Variants in PRPF38A observed in about 807,000 individuals in gnomAD.
PRPF38A encodes pre-mRNA-splicing factor 38A.
PRPF38A carries 11 observed loss-of-function variants against 46.8 expected under a neutral mutation model. That is an observed-to-expected ratio of 0.24 (90% CI 0.15 to 0.39). The LOEUF is 0.39. Among genes scored for constraint, PRPF38A ranks in the 10% least tolerant of loss-of-function variants. PRPF38A has a pLI of 1.00. For missense variants in PRPF38A, 261 were observed against 407.5 expected (o/e 0.64, Z 3.10); for synonymous variants, 124 against 136.2 (o/e 0.91, Z 0.62).
chr1:52,414,935 C>T lies in PRPF38A; in HGVS notation c.847+76C>T, dbSNP rs542448907. On this transcript the variant is annotated intron_variant, in intron 8 of 9. Transcript: ENST00000257181. ...AAGGAGTAGTTAGCCTCCTGCAGTA[C>T]AGGAGTGCCTGACTGTACTGCCTAA... 8.2e-6 allele frequency: 11 copies of T among 1,348,394 alleles called. No individual in the cohort carries two copies. In the East Asian group the frequency reaches 1.1e-4, roughly 14 times the overall value. The allele number at this position is 1,348,394 out of a possible 1,614,324, so 83.5% of individuals were successfully genotyped here. A position where few individuals can be genotyped will look rare whatever the true frequency, so the allele number is the denominator to read the frequency against.
Position 52,417,656 on chromosome 1 carries a change from G to A in PRPF38A, c.*966G>A, listed in dbSNP as rs531060239. 4 of 152,288 alleles carry A rather than the reference G, an allele frequency of 2.6e-5. No homozygotes were observed. In the East Asian group the frequency reaches 7.7e-4, roughly 29 times the overall value. The allele number at this position is 152,288 out of a possible 1,614,324, so 9.4% of individuals were successfully genotyped here. A position where few individuals can be genotyped will look rare whatever the true frequency, so the allele number is the denominator to read the frequency against. ...AAAAGCCCATAAAGTTGGAGATAGG[G>A]ACCAGAGTTTAACATAGCGATCTAG... On this transcript the variant is annotated 3_prime_UTR_variant, in exon 10 of 10. Coordinates refer to ENST00000257181, the MANE Select transcript of PRPF38A (RefSeq NM_032864.4).
At position 52,420,405 on chromosome 1, in the gene PRPF38A, G is replaced by T. The variant is rs1648430090; in HGVS notation, c.*3715G>T. 1 of 152,060 alleles carries T rather than the reference G, an allele frequency of 6.6e-6. No individual in the cohort carries two copies. The highest frequency in any genetic ancestry group is 6.6e-5 in the Admixed American group (1 of 15,264). 9.4% of individuals were successfully genotyped at this position (152,060 alleles called of 1,614,324 possible). A position where few individuals can be genotyped will look rare whatever the true frequency, so the allele number is the denominator to read the frequency against. ...AACACTGTCTATATAGAAATAACAA[G>T]TAGAGTGTGCTGGTTTCATCTTTCA... On this transcript the variant is annotated 3_prime_UTR_variant, in exon 10 of 10. Coordinates refer to ENST00000257181, the MANE Select transcript of PRPF38A (RefSeq NM_032864.4).
At chr1:52,409,393 T>C (rs1323143371) in intron 3 of PRPF38A, 4 of 152,300 alleles carry the variant, frequency 2.6e-5, no homozygotes, top group Non-Finnish European at 5.9e-5. Context: ...GGCAGATCAC[T>C]TGAGGTCAGG....
intron 3 of PRPF38A, chr1:52,408,961 G>A: frequency 3.6e-6 from 1 of 275,284 alleles, no homozygotes; most frequent in Non-Finnish European, 6.9e-6. Flanking sequence ...CCCTTTACAT[G>A]TGCTCCATCC....
Position 52,404,736 on chromosome 1 carries a change from G to A in PRPF38A, c.-14G>A, listed in dbSNP as rs377555490. 4 of 1,611,844 alleles carry A rather than the reference G, an allele frequency of 2.5e-6. No individual in the cohort carries two copies. In the African/African-American group the frequency reaches 4.0e-5, roughly 16 times the overall value. On this transcript the variant is annotated 5_prime_UTR_variant, in exon 1 of 10. Coordinates refer to ENST00000257181, the MANE Select transcript of PRPF38A (RefSeq NM_032864.4). ...TAAAGGATCCGACGGAAATAGAATT[G>A]AAGGCATTCTAAAATGGCTAACCGT...
chr1:52,412,056 TATCCCAG>T (rs1648163230), intron 4 of PRPF38A, among the ~76,000 whole-genome samples: 1 of 152,202 alleles, frequency 6.6e-6, no homozygotes, highest in South Asian at 2.1e-4. Context: ...TGCTAAGCCA[TATCCCAG>T]ATTAAAATGG....
At position 52,406,744 on chromosome 1, in the gene PRPF38A, T is replaced by C. The variant is rs1351256339; in HGVS notation, c.290+905T>C. 2.0e-5 allele frequency among the ~76,000 whole-genome samples: 3 copies of C among 152,232 alleles called. No homozygotes were observed. In the East Asian group the frequency reaches 5.8e-4, roughly 29 times the overall value. On this transcript the variant is annotated intron_variant, in intron 2 of 9. Coordinates refer to ENST00000257181, the MANE Select transcript of PRPF38A (RefSeq NM_032864.4). ...AGACATAATAGCTTCTTATGTGCCA[T>C]GCTGTAAGGGCTTTGCATATAATAA...
Position 52,411,099 on chromosome 1 carries a change from T to C in PRPF38A, c.413-16T>C, listed in dbSNP as rs185931996. 1,090 of 1,599,852 alleles carry C rather than the reference T, an allele frequency of 6.8e-4. No homozygotes were observed. Among genetic ancestry groups the C allele is most frequent in the Non-Finnish European group, 8.7e-4 (1,016 of 1,167,810 alleles). On this transcript the variant is annotated splice_polypyrimidine_tract_variant and intron_variant, in intron 3 of 9. Coordinates refer to ENST00000257181, the MANE Select transcript of PRPF38A (RefSeq NM_032864.4). ...TTTATTTCCAGGTTGTTTGCTCTAA[T>C]GACTTTTTCTTGCAGAGTTTGAATT... is the stretch of plus-strand genomic sequence containing the variant.
chr1:52,408,608 A>G lies in PRPF38A; in HGVS notation c.330A>G (p.Thr110=), dbSNP rs1288335217. The change falls in exon 3 of 10, where the codon ACA becomes ACG. Residue 110 remains threonine (T), a synonymous_variant. Transcript: ENST00000257181. The stretch of plus-strand genomic sequence containing the variant: ...TGGGGGCACTTTACATGAGGCTGAC[A>G]GGCACTGCAATTGATTGCTACAAGT... ...RMLGALYMRL[T]GTAIDCYKYL... The G allele has an allele frequency of 1.2e-5, 19 of 1,614,108 alleles. No homozygotes were observed. Among genetic ancestry groups the G allele is most frequent in the Non-Finnish European group, 1.6e-5 (19 of 1,180,024 alleles).
At chr1:52,415,944 G>A (rs559516329) in intron 9 of PRPF38A, among the ~76,000 whole-genome samples, 3 of 138,188 alleles carry the variant, frequency 2.2e-5, no homozygotes, top group African/African-American at 5.4e-5. Flanking sequence ...CTGGGCTCAC[G>A]CCATTCTCCT....
chr1:52,415,314 A>G (rs781265922), intron 8 of PRPF38A, 24 bp from the exon 9 acceptor site: 1 of 1,611,864 alleles, frequency 6.2e-7, no homozygotes, highest in East Asian at 2.2e-5. Context: ...GTAGGATCTT[A>G]TGCAATGGCC....
rs1252556004 is a variant in PRPF38A, at chr1:52,418,603, T to C, written c.*1913T>C. On this transcript the variant is annotated 3_prime_UTR_variant, in exon 10 of 10. Coordinates refer to ENST00000257181, the MANE Select transcript of PRPF38A (RefSeq NM_032864.4). Reference sequence around the variant, plus strand: ...AAATTGAGGTACCACAGCCAATCAATAGCAGGAAAGAGAATGTCCCTATTC... The same window carrying C: ...AAATTGAGGTACCACAGCCAATCAACAGCAGGAAAGAGAATGTCCCTATTC... 2.0e-5 allele frequency: 3 copies of C among 152,174 alleles called. No homozygotes were observed. The highest frequency in any genetic ancestry group is 2.1e-4 in the South Asian group (1 of 4,832). 9.4% of individuals were successfully genotyped at this position (152,174 alleles called of 1,614,324 possible).
rs1460628325 is a variant in PRPF38A, at chr1:52,417,749, A to C, written c.*1059A>C. The C allele has an allele frequency of 6.7e-6, 1 of 148,624 alleles. No homozygotes were observed. Among genetic ancestry groups the C allele is most frequent in the Non-Finnish European group, 1.5e-5 (1 of 68,038 alleles). 9.2% of individuals were successfully genotyped at this position (148,624 alleles called of 1,614,324 possible). Reference sequence around the variant, plus strand: ...AAGACTTCCCAGAGTGTTAATATATATCAGAAATGCACACAACAGAACCAT... The same window carrying C: ...AAGACTTCCCAGAGTGTTAATATATCTCAGAAATGCACACAACAGAACCAT... On this transcript the variant is annotated 3_prime_UTR_variant, in exon 10 of 10. Coordinates refer to ENST00000257181, the MANE Select transcript of PRPF38A (RefSeq NM_032864.4).
Position 52,420,115 on chromosome 1 carries a change from A to G in PRPF38A, c.*3425A>G, listed in dbSNP as rs1384089737. On this transcript the variant is annotated 3_prime_UTR_variant, in exon 10 of 10. Transcript: ENST00000257181. ...AGAAGGCAATGAAGCAAAAGGCTCC[A>G]AAGGTTTGAGAAAAAGTGCCAGGAA... 1 of 152,252 alleles carries G rather than the reference A, an allele frequency of 6.6e-6. No homozygotes were observed. Among genetic ancestry groups the G allele is most frequent in the Non-Finnish European group, 1.5e-5 (1 of 68,044 alleles). 9.4% of individuals were successfully genotyped at this position (152,252 alleles called of 1,614,324 possible). A position where few individuals can be genotyped will look rare whatever the true frequency, so the allele number is the denominator to read the frequency against.
rs751778532 is a variant in PRPF38A, at chr1:52,419,091, C to T, written c.*2401C>T. 1 of 152,296 alleles carries T rather than the reference C, an allele frequency of 6.6e-6. No homozygotes were observed. Among genetic ancestry groups the T allele is most frequent in the African/African-American group, 2.4e-5 (1 of 41,466 alleles). The allele number at this position is 152,296 out of a possible 1,614,324, so 9.4% of individuals were successfully genotyped here. ...GCATTTTTGGCCAGGTGCGGTGGCT[C>T]ACGCCTGTAATCCCAGCACTTTGGG... On this transcript the variant is annotated 3_prime_UTR_variant, in exon 10 of 10. Transcript: ENST00000257181.
At position 52,411,102 on chromosome 1, in the gene PRPF38A, CTT is replaced by C; in HGVS notation, c.413-9_413-8del. On this transcript the variant is annotated splice_polypyrimidine_tract_variant and intron_variant, in intron 3 of 9. Transcript: ENST00000257181. ...ATTTCCAGGTTGTTTGCTCTAATGA[CTT>C]TTTCTTGCAGAGTTTGAATTGATGC... 1 of 1,604,528 alleles carries C rather than the reference CTT, an allele frequency of 6.2e-7. No individual in the cohort carries two copies.
chr1:52,415,297 T>G (rs751445151), intron 8 of PRPF38A, 41 bp from the exon 9 acceptor site: 1 of 1,596,852 alleles, frequency 6.3e-7, no homozygotes, highest in South Asian at 1.1e-5. Flanking sequence ...TTAATAAGAG[T>G]AGAAGGGTAG....
chr1:52,414,550 T>A lies in PRPF38A; in HGVS notation c.723-71T>A. Reference sequence around the variant, plus strand: ...TACAGAGAAGCGTGAAGGATAAGATTGGGGCCGTTTTTGCAATCTACCACA... The same window carrying A: ...TACAGAGAAGCGTGAAGGATAAGATAGGGGCCGTTTTTGCAATCTACCACA... On this transcript the variant is annotated intron_variant, in intron 6 of 9. Transcript: ENST00000257181. 2.6e-6 allele frequency: 4 copies of A among 1,526,900 alleles called. No homozygotes were observed. In the East Asian group the frequency reaches 6.8e-5, roughly 26 times the overall value. The allele number at this position is 1,526,900 out of a possible 1,614,324, so 94.6% of individuals were successfully genotyped here. A position where few individuals can be genotyped will look rare whatever the true frequency, so the allele number is the denominator to read the frequency against.
chr1:52,404,959 T>C, intron 1 of PRPF38A, 80 bp downstream of exon 1: 2 of 1,540,674 alleles, frequency 1.3e-6, no homozygotes, highest in Non-Finnish European at 1.8e-6. Context: ...GACTAGCGAC[T>C]GGCCTCTGGG....
Sources: gnomAD v4.1 joint callset for allele counts (sites outside exome capture counted in the v4.1 genomes callset) on GRCh38, gnomAD v4.1.1 for gene constraint, MANE v1.5 for transcripts, NCBI Gene and HGNC (gene_info 2026-07-23, HGNC 2026-07-21) for gene names.